Variants in ABI1 observed in about 807,000 individuals in gnomAD.
ABI1 encodes the protein Abelson interactor 1.
ABI1 carries 14 observed loss-of-function variants against 54.6 expected under a neutral mutation model. That is an observed-to-expected ratio of 0.26 (90% CI 0.17 to 0.40). The LOEUF is 0.40. ABI1 is among the 10% of genes least tolerant of loss of function. ABI1 has a pLI of 1.00. For synonymous variants in ABI1, 194 were observed against 209.3 expected (o/e 0.93, Z 0.63); for missense variants, 443 against 598.3 (o/e 0.74, Z 2.71).
chr10:26,847,295 A>C (rs954004549), intron 1 of ABI1, among the ~76,000 whole-genome samples: 60 of 152,154 alleles, frequency 3.9e-4, no homozygotes, highest in African/African-American at 1.3e-3. Flanking sequence ...AAAGAATAAG[A>C]GTTATCACCA....
At chr10:26,842,140 T>C (rs535164435) in intron 1 of ABI1, among the ~76,000 whole-genome samples, 41 of 152,236 alleles carry the variant, frequency 2.7e-4, no homozygotes, top group Non-Finnish European at 4.9e-4. Context: ...GGGTGTGAGG[T>C]GACGCCCACA....
At chr10:26,829,793 G>A (rs182420308) in intron 1 of ABI1, among the ~76,000 whole-genome samples, 2 of 152,252 alleles carry the variant, frequency 1.3e-5, no homozygotes, top group African/African-American at 2.4e-5. Context: ...TTTGTAGGAT[G>A]CTATGGATCA....
intron 2 of ABI1, among the ~76,000 whole-genome samples, chr10:26,811,191 T>A (rs946992750): frequency 6.6e-6 from 1 of 152,234 alleles, no homozygotes; most frequent in East Asian, 1.9e-4. Context: ...TTGAAACAAA[T>A]GTTTATCAAT....
At chr10:26,843,483 A>AAAAAAC (rs2049730556) in intron 1 of ABI1, among the ~76,000 whole-genome samples, 1 of 36,602 alleles carries the variant, frequency 2.7e-5, no homozygotes, top group Non-Finnish European at 4.4e-5. Context: ...AAAAAAAAAA[A>AAAAAAC]AAATATATAT....
At chr10:26,791,586 G>C (rs1185550512) in intron 2 of ABI1, among the ~76,000 whole-genome samples, 1 of 152,134 alleles carries the variant, frequency 6.6e-6, no homozygotes, top group East Asian at 1.9e-4. Flanking sequence ...AGAAAAACTA[G>C]AAGGGAGGAG....
intron 2 of ABI1, among the ~76,000 whole-genome samples, chr10:26,821,555 T>A (rs986833374): frequency 6.6e-6 from 1 of 152,108 alleles, no homozygotes; most frequent in African/African-American, 2.4e-5. Flanking sequence ...CCCAACACTT[T>A]GGGAGGCCAA....
chr10:26,859,281 A>G (rs2051103347), intron 1 of ABI1, among the ~76,000 whole-genome samples: 1 of 152,214 alleles, frequency 6.6e-6, no homozygotes, highest in African/African-American at 2.4e-5. Context: ...GAGTAGTGCT[A>G]CTGAAGATAC....
At chr10:26,768,504 C>T (rs1840252635) in intron 6 of ABI1, among the ~76,000 whole-genome samples, 1 of 151,594 alleles carries the variant, frequency 6.6e-6, no homozygotes. Context: ...CACCACTACA[C>T]TCCAGCCTGG....
At chr10:26,806,543 C>A (rs2046888487) in intron 2 of ABI1, among the ~76,000 whole-genome samples, 1 of 152,120 alleles carries the variant, frequency 6.6e-6, no homozygotes, top group Non-Finnish European at 1.5e-5. Context: ...GCTTTCTAAG[C>A]CATGGCCTGA....
At chr10:26,790,492 TTTTTC>T in intron 2 of ABI1, 3 of 152,302 alleles carry the variant, frequency 2.0e-5, no homozygotes, top group Admixed American at 2.0e-4. Flanking sequence ...GGGTTGTTTT[TTTTTC>T]TTTTAAGTTC....
At chr10:26,809,087 T>C (rs1372317357) in intron 2 of ABI1, among the ~76,000 whole-genome samples, 4 of 152,034 alleles carry the variant, frequency 2.6e-5, no homozygotes, top group Non-Finnish European at 2.9e-5. Flanking sequence ...CTGGCCAACA[T>C]GGTGAAACCT....
chr10:26,776,681 C>G (rs1254934083), intron 3 of ABI1: 1 of 156,808 alleles, frequency 6.4e-6, no homozygotes, highest in African/African-American at 2.4e-5. Flanking sequence ...CACAGGTATA[C>G]AAATATATAT....
chr10:26,770,416 AT>A (rs1280926000), intron 4 of ABI1, 71 bp from the exon 5 acceptor site: 85 of 1,347,118 alleles, frequency 6.3e-5, no homozygotes, highest in African/African-American at 1.4e-4. Context: ...ACCATGTATT[AT>A]TTTTTTTAAA....
intron 1 of ABI1, among the ~76,000 whole-genome samples, chr10:26,848,948 A>C (rs1270042274): frequency 6.6e-6 from 1 of 152,108 alleles, no homozygotes; most frequent in Non-Finnish European, 1.5e-5. Flanking sequence ...TTTTATTTTA[A>C]TGGCAACTAC....
Position 26,823,255 on chromosome 10 carries a change from T to C in ABI1, c.168A>G (p.Gln56=). 1 of 1,601,056 alleles carries C rather than the reference T, an allele frequency of 6.2e-7. No individual in the cohort carries two copies. Among genetic ancestry groups the C allele is most frequent in the Non-Finnish European group, 8.5e-7 (1 of 1,176,046 alleles). The change falls in exon 2 of 11, where the codon CAA becomes CAG. Residue 56 remains glutamine, a synonymous_variant. Coordinates refer to ENST00000376140, the MANE Select transcript of ABI1 (RefSeq NM_001012750.3). ...ALEETKAYTT[Q]SLASVAYQIN... ...TTTGATAAGCAACACTAGCTAGAGA[T>C]TGGGTTGTATAGGCTTTGGTCTCCT...
intron 7 of ABI1, among the ~76,000 whole-genome samples, chr10:26,762,408 T>G (rs574683377): frequency 3.9e-5 from 6 of 152,272 alleles, no homozygotes; most frequent in African/African-American, 1.4e-4. Context: ...CCTGAGAATC[T>G]GTATTTCTAA....
At chr10:26,770,451 C>T in intron 4 of ABI1, 106 bp from the exon 5 acceptor site, 1 of 1,136,698 alleles carries the variant, frequency 8.8e-7, no homozygotes, top group South Asian at 1.2e-5. Flanking sequence ...ATTAAGGATT[C>T]CCAGACAGTT....
Position 26,815,585 on chromosome 10 carries a change from T to C in ABI1, c.285+7553A>G, listed in dbSNP as rs537710205. Among the ~76,000 whole-genome samples the C allele has an allele frequency of 3.6e-4, 55 of 152,352 alleles. No individual in the cohort carries two copies. In the East Asian group the frequency reaches 9.6e-3, roughly 27 times the overall value. On this transcript the variant is annotated intron_variant, in intron 2 of 10. Coordinates refer to ENST00000376140, the MANE Select transcript of ABI1 (RefSeq NM_001012750.3). ...TGAATTTCAGTTACCATATTTTAGT[T>C]AACACCAGTCCTCCAACTACACAAT... is the stretch of plus-strand genomic sequence containing the variant.
intron 2 of ABI1, among the ~76,000 whole-genome samples, chr10:26,788,709 G>A (rs372262937): frequency 6.6e-6 from 1 of 151,948 alleles, no homozygotes; most frequent in East Asian, 1.9e-4. Context: ...TCAGGAGATC[G>A]AGACTATCCT....
Sources: gnomAD v4.1 joint callset for allele counts (sites outside exome capture counted in the v4.1 genomes callset) on GRCh38, gnomAD v4.1.1 for gene constraint, MANE v1.5 for transcripts, NCBI Gene and HGNC (gene_info 2026-07-23, HGNC 2026-07-21) for gene names.